The following CCDC93 variants were observed in gnomAD, a reference collection of about 807,000 sequenced individuals.
CCDC93 encodes the protein CCC complex scaffolding subunit CCDC93.
Under a neutral mutation model 108.2 loss-of-function variants are expected in CCDC93, and 61 were observed. That is an observed-to-expected ratio of 0.56 (90% confidence interval 0.46 to 0.70). The LOEUF is 0.70. Ranked by LOEUF, CCDC93 falls within the 30% of genes least tolerant of loss-of-function variation. CCDC93 has a pLI of 0.00. For synonymous variants in CCDC93, 276 were observed against 260.4 expected (o/e 1.06, Z -0.58); for missense variants, 685 against 764.2 (o/e 0.90, Z 1.22).
intron 12 of CCDC93, among the ~76,000 whole-genome samples, chr2:117,956,921 G>A (rs1041903359): frequency 5.5e-5 from 8 of 146,360 alleles, no homozygotes; most frequent in African/African-American, 1.8e-4. Flanking sequence ...ATGGAGTTTC[G>A]CTCTTGTTGC....
At chr2:117,927,138 C>T (rs1004417527) in intron 23 of CCDC93, among the ~76,000 whole-genome samples, 3 of 152,058 alleles carry the variant, frequency 2.0e-5, no homozygotes, top group African/African-American at 7.2e-5. Context: ...TAAGAGCTAT[C>T]TATGACAAAC....
chr2:117,951,334 G>A (rs1679051020), intron 13 of CCDC93: 1 of 985,174 alleles, frequency 1.0e-6, no homozygotes, highest in Non-Finnish European at 1.2e-6. Context: ...GCGTCTTTAT[G>A]AACAATGAGA....
chr2:117,985,822 T>G (rs1201663272), intron 7 of CCDC93, 147 bp downstream of exon 7: 3 of 563,104 alleles, frequency 5.3e-6, no homozygotes, highest in Middle Eastern at 4.5e-4. Context: ...GGTAATTCAT[T>G]ACCAGAGAAA....
chr2:117,941,145 T>G (rs769111211), intron 19 of CCDC93, 44 bp downstream of exon 19: 2 of 1,401,714 alleles, frequency 1.4e-6, no homozygotes. Flanking sequence ...CCCTCGCCTG[T>G]CCCTTCCCAG....
At chr2:117,948,648 T>C (rs1384935121) in intron 14 of CCDC93, among the ~76,000 whole-genome samples, 1 of 152,246 alleles carries the variant, frequency 6.6e-6, no homozygotes, top group Admixed American at 6.5e-5. Context: ...AACAAAGGTT[T>C]CTAATTATAG....
intron 3 of CCDC93, among the ~76,000 whole-genome samples, chr2:118,005,977 T>G (rs1676855538): frequency 6.6e-6 from 1 of 152,132 alleles, no homozygotes; most frequent in Non-Finnish European, 1.5e-5. Context: ...AAACAAAGCA[T>G]TTTGTGACCC....
chr2:117,931,051 T>G lies in CCDC93; in HGVS notation c.1828A>C (p.Lys610Gln). ...CTTCCTCTTACCTCCTTGAACTCTTTCACAGTCTTAAAGTATAGCCTCTGC... is the reference window on the plus strand; with the variant it reads ...CTTCCTCTTACCTCCTTGAACTCTTGCACAGTCTTAAAGTATAGCCTCTGC... ...EKQRLYFKTV[K>Q]EFKEEGRKNE... The change falls in exon 23 of 24, where the codon AAA becomes CAA. Residue 610 changes from lysine (K) to glutamine (Q), a missense_variant. By Grantham distance (53) the Lys-to-Gln change is moderately conservative (BLOSUM62 1). Transcript: ENST00000376300. 3.7e-6 allele frequency: 6 copies of G among 1,609,612 alleles called. No homozygotes were observed. Among genetic ancestry groups the G allele is most frequent in the Non-Finnish European group, 5.1e-6 (6 of 1,176,346 alleles).
chr2:117,973,963 A>T lies in CCDC93; in HGVS notation c.833T>A (p.Ile278Asn), dbSNP rs374241278. The T allele has an allele frequency of 1.9e-6, 3 of 1,612,150 alleles. No individual in the cohort carries two copies. The highest frequency in any genetic ancestry group is 3.3e-5 in the Admixed American group (2 of 59,804). Residue 278 changes from isoleucine (I) to asparagine (N), a missense_variant, in exon 11 of 24, where the codon ATT (isoleucine) becomes AAT (asparagine). Physicochemically the swap from Ile to Asn is moderately radical, Grantham distance 149. Coordinates refer to ENST00000376300, the MANE Select transcript of CCDC93 (RefSeq NM_019044.5). ...GATCTCAGCAGAGCAGAGTCCCACA[A>T]TCTGGCCCACGGAGCTTGCGGTGAG... ...SRLTASSVGQ[I>N]VGLCSAEIKQ...
chr2:117,938,348 C>T (rs952950880), intron 20 of CCDC93, among the ~76,000 whole-genome samples: 3 of 152,108 alleles, frequency 2.0e-5, no homozygotes, highest in African/African-American at 7.2e-5. Context: ...TACTGTGCTC[C>T]AACCGTTTGT....
intron 6 of CCDC93, among the ~76,000 whole-genome samples, chr2:117,993,590 G>A (rs1680553966): frequency 6.6e-6 from 1 of 152,218 alleles, no homozygotes; most frequent in South Asian, 2.1e-4. Context: ...TCCTGCCTCA[G>A]AGGTAACATG....
At position 117,950,623 on chromosome 2, in the gene CCDC93, T is replaced by C. The variant is rs534691436; in HGVS notation, c.1069-1228A>G. The C allele has an allele frequency of 2.5e-5, 25 of 985,254 alleles. No individual in the cohort carries two copies. In the African/African-American group the frequency reaches 4.2e-4, roughly 16 times the overall value. 61.0% of individuals were successfully genotyped at this position (985,254 alleles called of 1,614,324 possible). A position where few individuals can be genotyped will look rare whatever the true frequency, so the allele number is the denominator to read the frequency against. On this transcript the variant is annotated intron_variant, in intron 13 of 23. Coordinates refer to ENST00000376300, the MANE Select transcript of CCDC93 (RefSeq NM_019044.5). ...GAGGTCAAATCTGGGAAGCCTGGAA[T>C]GAAAGGGTTCAGAGCGCTCATTCTG...
In CCDC93 at chr2:117,915,587, A is replaced by AT. The variant is rs889782674; in HGVS notation, c.*4755dup. ...TATACCAAATTAAAAATTAAGAACT[A>AT]TTTTTTAATAGATAATACATGTACA... On this transcript the variant is annotated 3_prime_UTR_variant, in exon 24 of 24. Transcript: ENST00000376300. The AT allele has an allele frequency of 5.3e-5, 8 of 152,196 alleles. No individual in the cohort carries two copies. The highest frequency in any genetic ancestry group is 1.4e-4 in the African/African-American group (6 of 41,442). 9.4% of individuals were successfully genotyped at this position (152,196 alleles called of 1,614,324 possible).
rs942532027 is a variant in CCDC93 at position 117,917,173 on chromosome 2, A to G, written c.*3170T>C. 1 of 152,674 alleles carries G rather than the reference A, an allele frequency of 6.5e-6. No individual in the cohort carries two copies. Among genetic ancestry groups the G allele is most frequent in the Admixed American group, 6.5e-5 (1 of 15,286 alleles). 9.5% of individuals were successfully genotyped at this position (152,674 alleles called of 1,614,324 possible). A position where few individuals can be genotyped will look rare whatever the true frequency, so the allele number is the denominator to read the frequency against. On this transcript the variant is annotated 3_prime_UTR_variant, in exon 24 of 24. Transcript: ENST00000376300. ...ACCTACAGAGTGGGCAAACAAGACC[A>G]TATGAGGCAGCAGAAATATGAGGGC...
chr2:117,941,694 T>G (rs1678706440), intron 18 of CCDC93, among the ~76,000 whole-genome samples: 1 of 152,212 alleles, frequency 6.6e-6, no homozygotes, highest in Non-Finnish European at 1.5e-5. Flanking sequence ...CTATGCCACC[T>G]TGCCGCCTCC....
At chr2:117,951,034 A>T (rs1240405293) in intron 13 of CCDC93, 2 of 980,724 alleles carry the variant, frequency 2.0e-6, no homozygotes. Flanking sequence ...AAAGGGCTCA[A>T]CAAATACTTG....
intron 8 of CCDC93, among the ~76,000 whole-genome samples, 177 bp downstream of exon 8, chr2:117,977,817 C>T (rs1432139246): frequency 6.6e-6 from 1 of 152,118 alleles, no homozygotes; most frequent in East Asian, 1.9e-4. Flanking sequence ...CTTTGCTCCC[C>T]AGTCTGTAGA....
intron 13 of CCDC93, chr2:117,950,843 G>C: frequency 1.0e-6 from 1 of 985,384 alleles, no homozygotes; most frequent in Non-Finnish European, 1.2e-6. Context: ...TCTGATGCCA[G>C]GCTGCCTGTA....
At chr2:117,944,696 C>A in intron 17 of CCDC93, 1 of 470,840 alleles carries the variant, frequency 2.1e-6, no homozygotes, top group Non-Finnish European at 4.4e-6. Context: ...CCTTCCTCAG[C>A]ATAGGGAATA....
chr2:118,007,785 C>T (rs1290888280), intron 2 of CCDC93, among the ~76,000 whole-genome samples: 2 of 152,230 alleles, frequency 1.3e-5, no homozygotes, highest in African/African-American at 4.8e-5. Context: ...ACCTAGCTAA[C>T]CAAAATTTCA....
Sources: allele counts gnomAD v4.1 joint callset (sites outside exome capture counted in the v4.1 genomes callset), GRCh38; gene constraint gnomAD v4.1.1; transcripts MANE v1.5; gene names NCBI Gene and HGNC (gene_info 2026-07-23, HGNC 2026-07-21).